CEP85: variants seen among roughly 807,000 people sequenced by gnomAD.
CEP85 encodes centrosomal protein 85, also known as centrosomal protein of 85 kDa.
A neutral mutation model predicts 93.7 loss-of-function variants in CEP85; 58 were observed. The ratio of observed to expected loss-of-function variants is 0.62; its 90% confidence interval spans 0.50 to 0.77. The LOEUF (loss-of-function observed/expected upper bound fraction) is 0.77, where lower values mean the gene tolerates loss of function less well. Among genes scored for constraint, CEP85 ranks in the 30% least tolerant of loss-of-function variants. The pLI, the probability that CEP85 is intolerant of heterozygous loss-of-function variation, is 0.00. For missense variants in CEP85, 868 were observed against 922.0 expected (o/e 0.94, Z 0.76); for synonymous variants, 314 against 338.6 (o/e 0.93, Z 0.80).
At chr1:26,249,209 G>A (rs1427590513) in intron 3 of CEP85, among the ~76,000 whole-genome samples, 2 of 152,028 alleles carry the variant, frequency 1.3e-5, no homozygotes, top group Non-Finnish European at 2.9e-5. Flanking sequence ...AGCCTTCTGA[G>A]TAGTTGGGAT....
chr1:26,267,734 G>T (rs1030363634), intron 7 of CEP85, among the ~76,000 whole-genome samples: 5 of 152,206 alleles, frequency 3.3e-5, no homozygotes, highest in Admixed American at 1.3e-4. Flanking sequence ...GCTGTGTCCA[G>T]AGTTTTTAGT....
chr1:26,271,166 G>A (rs2124609135), intron 10 of CEP85, 59 bp downstream of exon 10: 9 of 1,037,346 alleles, frequency 8.7e-6, no homozygotes, highest in Non-Finnish European at 1.4e-5. Flanking sequence ...AGAAGATTGT[G>A]TATTAGGAGG....
At chr1:26,262,561 G>T (rs6674410) in intron 7 of CEP85, among the ~76,000 whole-genome samples, 23,476 of 152,026 alleles carry the variant, frequency 0.15, 2,089 homozygotes, top group African/African-American at 0.23. Flanking sequence ...CGCTGACAAA[G>T]AAATGACACT....
chr1:26,238,032 G>A (rs2089354102), intron 1 of CEP85, among the ~76,000 whole-genome samples: 1 of 151,612 alleles, frequency 6.6e-6, no homozygotes, highest in Admixed American at 6.6e-5. Flanking sequence ...TATTGTAGAT[G>A]CAGTGAATTA....
At chr1:26,265,784 T>G (rs116440310) in intron 7 of CEP85, among the ~76,000 whole-genome samples, 30 of 152,296 alleles carry the variant, frequency 2.0e-4, no homozygotes, top group African/African-American at 7.0e-4. Context: ...TTAAAAACAT[T>G]AAAATCTTTC....
At chr1:26,241,243 A>ACTTTTTTTTTT (rs1433524136) in intron 2 of CEP85, among the ~76,000 whole-genome samples, 1 of 61,814 alleles carries the variant, frequency 1.6e-5, no homozygotes, top group Admixed American at 1.6e-4. Context: ...CATTCAGCAG[A>ACTTTTTTTTTT]ATTTTTTTTT....
chr1:26,254,727 C>T lies in CEP85; in HGVS notation c.209-444C>T, dbSNP rs72649336. On this transcript the variant is annotated intron_variant, in intron 3 of 13. Coordinates refer to ENST00000451429, the MANE Select transcript of CEP85 (RefSeq NM_001319944.2). Reference sequence around the variant, plus strand: ...CCTTCCTGGGGGAGCTTTTGGAGGTCGCAGAAGATTCTGGTGACTCTTGGA... The same window carrying T: ...CCTTCCTGGGGGAGCTTTTGGAGGTTGCAGAAGATTCTGGTGACTCTTGGA... 95 of 170,168 alleles carry T rather than the reference C, an allele frequency of 5.6e-4. 1 individual carries two copies. The highest frequency in any genetic ancestry group is 8.9e-4 in the Admixed American group (16 of 17,992). The allele number at this position is 170,168 out of a possible 1,614,324, so 10.5% of individuals were successfully genotyped here.
rs1197334780 is a variant in CEP85 at position 26,250,925 on chromosome 1, CTTTTTTCTTTTTTTTT to C, written c.209-4239_209-4224del. 6.0e-3 allele frequency among the ~76,000 whole-genome samples: 332 copies of C among 55,138 alleles called. 21 individuals carry two copies. In the South Asian group the frequency reaches 0.11, roughly 19 times the overall value. 36.2% of individuals were successfully genotyped at this position (55,138 alleles called of 152,430 possible). ...TGAGCCAAGCTTGCCTTTTTTTTTT[CTTTTTTCTTTTTTTTT>C]TTTTTTTTTTTTTTTTTGAGACAGA... On this transcript the variant is annotated intron_variant, in intron 3 of 13. Coordinates refer to ENST00000451429, the MANE Select transcript of CEP85 (RefSeq NM_001319944.2).
chr1:26,267,248 T>C (rs867314088), intron 7 of CEP85, among the ~76,000 whole-genome samples: 10 of 152,364 alleles, frequency 6.6e-5, no homozygotes, highest in Non-Finnish European at 8.8e-5. Flanking sequence ...GCTATACTTA[T>C]TATTACAGTT....
chr1:26,277,487 C>A lies in CEP85; in HGVS notation c.*194C>A. 1 of 555,146 alleles carries A rather than the reference C, an allele frequency of 1.8e-6. No homozygotes were observed. The allele number at this position is 555,146 out of a possible 1,614,324, so 34.4% of individuals were successfully genotyped here. On this transcript the variant is annotated 3_prime_UTR_variant, in exon 14 of 14. Transcript: ENST00000451429. Reference sequence around the variant, plus strand: ...ACTGGCATGTTGGATTACGTTTGTCCTGTTAATTCACTCTAGACGGTGAGT... The same window carrying A: ...ACTGGCATGTTGGATTACGTTTGTCATGTTAATTCACTCTAGACGGTGAGT...
At chr1:26,238,438 C>T (rs1404288237) in intron 1 of CEP85, among the ~76,000 whole-genome samples, 1 of 151,806 alleles carries the variant, frequency 6.6e-6, no homozygotes, top group East Asian at 1.9e-4. Context: ...TCAGGTGATC[C>T]GCCTGCCTCG....
chr1:26,271,606 G>A lies in CEP85; in HGVS notation c.1744-415G>A, dbSNP rs372667807. On this transcript the variant is annotated intron_variant, in intron 10 of 13. Coordinates refer to ENST00000451429, the MANE Select transcript of CEP85 (RefSeq NM_001319944.2). ...GGGTCCCTTCTTGGATAATCAGTACGACCAGAGCTGTAAATAACAACAACC... is the reference window on the plus strand; with the variant it reads ...GGGTCCCTTCTTGGATAATCAGTACAACCAGAGCTGTAAATAACAACAACC... 243 of 188,726 alleles carry A rather than the reference G, an allele frequency of 1.3e-3. 3 individuals carry two copies. Among genetic ancestry groups the A allele is most frequent in the South Asian group, 6.8e-3 (51 of 7,514 alleles). 11.7% of individuals were successfully genotyped at this position (188,726 alleles called of 1,614,324 possible).
chr1:26,250,376 G>A (rs2089587270), intron 3 of CEP85, among the ~76,000 whole-genome samples: 1 of 152,174 alleles, frequency 6.6e-6, no homozygotes, highest in South Asian at 2.1e-4. Flanking sequence ...CAGTCCTTAC[G>A]AGAATCTAAT....
intron 7 of CEP85, among the ~76,000 whole-genome samples, chr1:26,260,019 G>A (rs2089781997): frequency 2.6e-5 from 4 of 152,150 alleles, no homozygotes; most frequent in Admixed American, 2.0e-4. Context: ...AACCACAACA[G>A]TCAGAGAAAG....
At chr1:26,276,448 C>T in intron 12 of CEP85, 87 bp from the exon 13 acceptor site, 1 of 1,046,394 alleles carries the variant, frequency 9.6e-7, no homozygotes, top group Non-Finnish European at 1.5e-6. Flanking sequence ...ATGACTCACC[C>T]ATCCCTTCCA....
chr1:26,265,819 C>G (rs7547520), intron 7 of CEP85, among the ~76,000 whole-genome samples: 426 of 152,064 alleles, frequency 2.8e-3, no homozygotes, highest in Non-Finnish European at 5.0e-3. Context: ...GTGGCTCACT[C>G]CTCTTAATCC....
At chr1:26,271,807 A>G (rs2089979279) in intron 10 of CEP85, 4 of 585,694 alleles carry the variant, frequency 6.8e-6, no homozygotes, top group African/African-American at 3.7e-5. Context: ...ACATTCCTGT[A>G]TAAACCTTTG....
chr1:26,255,487 G>A lies in CEP85; in HGVS notation c.525G>A (p.Glu175=), dbSNP rs750977600. The A allele has an allele frequency of 6.2e-7, 1 of 1,614,106 alleles. No homozygotes were observed. Among genetic ancestry groups the A allele is most frequent in the South Asian group, 1.1e-5 (1 of 91,076 alleles). ...CAGTGGGCCATGAAAGACAAGAAGAGGCGAGGAAGTTTGATATTCCTAGCA... is the reference window on the plus strand; with the variant it reads ...CAGTGGGCCATGAAAGACAAGAAGAAGCGAGGAAGTTTGATATTCCTAGCA... ...FPAVGHERQE[E]ARKFDIPSME... The change falls in exon 4 of 14, where the codon GAG becomes GAA. Residue 175 remains glutamate (E), a synonymous_variant. Transcript: ENST00000451429.
chr1:26,274,810 G>A (rs1265386747), intron 11 of CEP85, among the ~76,000 whole-genome samples, 154 bp from the exon 12 acceptor site: 1 of 152,140 alleles, frequency 6.6e-6, no homozygotes, highest in Non-Finnish European at 1.5e-5. Flanking sequence ...GGGTTTAAAT[G>A]GGAGGTCACA....
Sources: allele counts gnomAD v4.1 joint callset (sites outside exome capture counted in the v4.1 genomes callset), GRCh38; gene constraint gnomAD v4.1.1; transcripts MANE v1.5; gene names NCBI Gene and HGNC (gene_info 2026-07-23, HGNC 2026-07-21).